GPRIN2: variants seen among roughly 807,000 people sequenced by gnomAD.
GPRIN2 encodes the protein G protein-regulated inducer of neurite outgrowth 2.
In GPRIN2, 1 loss-of-function variant was observed where a neutral mutation model predicts 0.3. The observed-to-expected ratio is 3.90, with a 90% confidence interval of 1.39 to 18.51. The LOEUF is 18.51. Ranked by LOEUF, GPRIN2 falls within the 30% of genes most tolerant of loss-of-function variation. The pLI is 0.11. For missense variants in GPRIN2, 880 were observed against 604.2 expected (o/e 1.46, Z -4.79); for synonymous variants, 361 against 258.6 (o/e 1.40, Z -3.80).
chr10:46,551,721 G>GC (rs1341653474), intron 2 of GPRIN2, among the ~76,000 whole-genome samples: 10 of 152,424 alleles, frequency 6.6e-5, no homozygotes, highest in African/African-American at 2.4e-4. Flanking sequence ...ACTTCCCCCA[G>GC]CCATAAAGAC....
In GPRIN2 at chr10:46,549,882, C is replaced by T; in HGVS notation, c.855G>A (p.Gly285=). The T allele has an allele frequency of 2.5e-6, 4 of 1,614,056 alleles. No homozygotes were observed. The highest frequency in any genetic ancestry group is 3.4e-6 in the Non-Finnish European group (4 of 1,179,882). ...CACAGCAATGGGAATGCCCAGGGAG[C>T]CCCCCAGACAACCTACAGTGGATCT... is the stretch of plus-strand genomic sequence containing the variant. ...GVKIHCRLSG[G]LPGHSHCCAH... Residue 285 remains glycine, a synonymous_variant, in exon 3 of 3, where the codon GGG becomes GGA. Coordinates refer to ENST00000374314, the MANE Select transcript of GPRIN2 (RefSeq NM_001385282.1).
In GPRIN2 at chr10:46,548,073, C is replaced by T. The variant is rs1832822603; in HGVS notation, c.*1287G>A. 1.3e-5 allele frequency among the ~76,000 whole-genome samples: 2 copies of T among 152,430 alleles called. No homozygotes were observed. The highest frequency in any genetic ancestry group is 6.5e-5 in the Admixed American group (1 of 15,314). On this transcript the variant is annotated 3_prime_UTR_variant, in exon 3 of 3. Transcript: ENST00000374314. ...AAGAGGCTCCAGAAACAGGCCAGGT[C>T]GTGGGCCATGACCCCACACTAGCCC...
chr10:46,551,751 G>A (rs1842638153), intron 2 of GPRIN2, among the ~76,000 whole-genome samples: 1 of 152,310 alleles, frequency 6.6e-6, no homozygotes, highest in African/African-American at 2.4e-5. Context: ...CCTGGCAGCT[G>A]CAGCCTAGAG....
chr10:46,550,106 CACT>C lies in GPRIN2; in HGVS notation c.628_630del (p.Ser210del). ...TCAGCAGCTTTGGGCTCAGCCTGGG[CACT>C]GCTGCTGTGGGCAGTTGTGTCCCCC... On this transcript the variant is annotated inframe_deletion, in exon 3 of 3. Coordinates refer to ENST00000374314, the MANE Select transcript of GPRIN2 (RefSeq NM_001385282.1). 6.2e-7 allele frequency: 1 copy of C among 1,612,022 alleles called. No homozygotes were observed.
chr10:46,548,865 C>T lies in GPRIN2; in HGVS notation c.*495G>A, dbSNP rs1832780521. ...CCAGGATGAAGAGGTGAAGACAGGA[C>T]AAGCACAGTATGTGGCACACAGGAG... On this transcript the variant is annotated 3_prime_UTR_variant, in exon 3 of 3. Coordinates refer to ENST00000374314, the MANE Select transcript of GPRIN2 (RefSeq NM_001385282.1). Among the ~76,000 whole-genome samples the T allele has an allele frequency of 3.9e-5, 6 of 152,426 alleles. No individual in the cohort carries two copies. In the South Asian group the frequency reaches 1.2e-3, roughly 32 times the overall value.
At chr10:46,551,383 G>A (rs1842590704) in intron 2 of GPRIN2, 5 of 985,126 alleles carry the variant, frequency 5.1e-6, no homozygotes, top group Non-Finnish European at 6.0e-6. Context: ...GCCTTGCTGA[G>A]CTGGCATGTC....
In GPRIN2 at chr10:46,546,389, G is replaced by T. The variant is rs1192168945; in HGVS notation, c.*2971C>A. Reference sequence around the variant, plus strand: ...GAGGCAAGGGGCTCTAGGACTCCAGGGTTTATGCTCCAAAGAACAGAATTT... The same window carrying T: ...GAGGCAAGGGGCTCTAGGACTCCAGTGTTTATGCTCCAAAGAACAGAATTT... On this transcript the variant is annotated 3_prime_UTR_variant, in exon 3 of 3. Transcript: ENST00000374314. 6.6e-6 allele frequency among the ~76,000 whole-genome samples: 1 copy of T among 152,308 alleles called. No homozygotes were observed. The highest frequency in any genetic ancestry group is 2.1e-4 in the South Asian group (1 of 4,838).
At position 46,545,232 on chromosome 10, in the gene GPRIN2, A is replaced by T. The variant is rs1222985905; in HGVS notation, c.*4128T>A. On this transcript the variant is annotated 3_prime_UTR_variant, in exon 3 of 3. Coordinates refer to ENST00000374314, the MANE Select transcript of GPRIN2 (RefSeq NM_001385282.1). ...CTCCCTCTGGTGGTTTCTGTGCACAACTTCCCCCAAAATAGGCCCTACGAC... is the reference window on the plus strand; with the variant it reads ...CTCCCTCTGGTGGTTTCTGTGCACATCTTCCCCCAAAATAGGCCCTACGAC... 6.6e-6 allele frequency among the ~76,000 whole-genome samples: 1 copy of T among 152,302 alleles called. No individual in the cohort carries two copies. The highest frequency in any genetic ancestry group is 1.5e-5 in the Non-Finnish European group (1 of 68,056).
At position 46,549,750 on chromosome 10, in the gene GPRIN2, C is replaced by T. The variant is rs1832601806; in HGVS notation, c.987G>A (p.Pro329=). 39 of 1,612,518 alleles carry T rather than the reference C, an allele frequency of 2.4e-5. No individual in the cohort carries two copies. Among genetic ancestry groups the T allele is most frequent in the South Asian group, 4.4e-5 (4 of 91,002 alleles). ...ANDLAPAEAS[P]LSAQDAGVQA... ...GCACACCAGCATCCTGGGCTGACAG[C>T]GGGGATGCCTCTGCAGGGGCCAAGT... The change falls in exon 3 of 3, where the codon CCG becomes CCA. Residue 329 remains proline (P), a synonymous_variant. Coordinates refer to ENST00000374314, the MANE Select transcript of GPRIN2 (RefSeq NM_001385282.1).
chr10:46,547,645 T>C lies in GPRIN2; in HGVS notation c.*1715A>G, dbSNP rs1842288486. On this transcript the variant is annotated 3_prime_UTR_variant, in exon 3 of 3. Transcript: ENST00000374314. ...GTCCCTCCCCATGCACCCACAGCCA[T>C]TTGTTCTCTCTCATGTGGCCCTAAC... Among the ~76,000 whole-genome samples the C allele has an allele frequency of 6.6e-6, 1 of 152,308 alleles. No individual in the cohort carries two copies. The highest frequency in any genetic ancestry group is 2.1e-4 in the South Asian group (1 of 4,838).
chr10:46,544,346 CAG>C lies in GPRIN2; in HGVS notation c.*5012_*5013del, dbSNP rs1397580692. Among the ~76,000 whole-genome samples the C allele has an allele frequency of 6.6e-6, 1 of 152,306 alleles. No homozygotes were observed. The highest frequency in any genetic ancestry group is 1.5e-5 in the Non-Finnish European group (1 of 68,056). The stretch of plus-strand genomic sequence containing the variant: ...TTCTTGTCTTTTTCTTTTTTTGAAA[CAG>C]GGTCTGGCTCCGTCATCCAGGCTGG... On this transcript the variant is annotated 3_prime_UTR_variant, in exon 3 of 3. Coordinates refer to ENST00000374314, the MANE Select transcript of GPRIN2 (RefSeq NM_001385282.1).
At chr10:46,554,852 C>G (rs547477312) in intron 1 of GPRIN2, among the ~76,000 whole-genome samples, 157 bp from the exon 2 acceptor site, 2 of 152,300 alleles carry the variant, frequency 1.3e-5, no homozygotes, top group Non-Finnish European at 2.9e-5. Context: ...GGAGCCCAGG[C>G]CTTTGGGATA....
rs1013763575 is a variant in GPRIN2, at chr10:46,547,930, C to G, written c.*1430G>C. Among the ~76,000 whole-genome samples, 1 of 152,310 alleles carries G rather than the reference C, an allele frequency of 6.6e-6. No homozygotes were observed. Among genetic ancestry groups the G allele is most frequent in the Admixed American group, 6.5e-5 (1 of 15,294 alleles). ...CCTTGTGGCCTGTTGAAATGCCACT[C>G]CTGCTTTACAAATTCACCAACTGTT... On this transcript the variant is annotated 3_prime_UTR_variant, in exon 3 of 3. Transcript: ENST00000374314.
upstream of GPRIN2, among the ~76,000 whole-genome samples, chr10:46,556,688 G>A (rs969196332): frequency 1.1e-3 from 167 of 152,176 alleles, no homozygotes; most frequent in African/African-American, 3.9e-3. Flanking sequence ...AGCTGGCACC[G>A]GGGCGGCGGG....
Position 46,545,671 on chromosome 10 carries a change from G to A in GPRIN2, c.*3689C>T, listed in dbSNP as rs1842091604. Among the ~76,000 whole-genome samples, 2 of 152,310 alleles carry A rather than the reference G, an allele frequency of 1.3e-5. No individual in the cohort carries two copies. Among genetic ancestry groups the A allele is most frequent in the South Asian group, 2.1e-4 (1 of 4,838 alleles). ...TGAACAAGGGACTTTTAAGGAAGTGGGATGTGGGCTGTGATCACAGCCAAG... is the reference window on the plus strand; with the variant it reads ...TGAACAAGGGACTTTTAAGGAAGTGAGATGTGGGCTGTGATCACAGCCAAG... On this transcript the variant is annotated 3_prime_UTR_variant, in exon 3 of 3. Transcript: ENST00000374314.
In GPRIN2 at chr10:46,549,064, T is replaced by C. The variant is rs1842416350; in HGVS notation, c.*296A>G. The C allele has an allele frequency of 2.4e-6, 1 of 411,400 alleles. No homozygotes were observed. The highest frequency in any genetic ancestry group is 4.4e-5 in the Admixed American group (1 of 22,674). The allele number at this position is 411,400 out of a possible 1,614,324, so 25.5% of individuals were successfully genotyped here. A position where few individuals can be genotyped will look rare whatever the true frequency, so the allele number is the denominator to read the frequency against. ...GAGGGTGGAGTGAACAAAAGGTCAT[T>C]TTTTACAGAAAACTCAGGATCTCCC... On this transcript the variant is annotated 3_prime_UTR_variant, in exon 3 of 3. Transcript: ENST00000374314.
In GPRIN2 at chr10:46,550,321, G is replaced by A; in HGVS notation, c.416C>T (p.Ala139Val). 6.2e-7 allele frequency: 1 copy of A among 1,613,170 alleles called. No individual in the cohort carries two copies. The highest frequency in any genetic ancestry group is 1.1e-5 in the South Asian group (1 of 91,066). ...QMRGHSGARK[A>V]SLSCSALGSS... The stretch of plus-strand genomic sequence containing the variant: ...GCCAAGGGCTGAGCAGCTGAGACTG[G>A]CCTTCCGAGCACCACTGTGTCCCCG... The change falls in exon 3 of 3, where the codon GCC becomes GTC. Residue 139 changes from alanine to valine, a missense_variant. Physicochemically the swap from Ala to Val is moderately conservative, Grantham distance 64 (BLOSUM62 0). Transcript: ENST00000374314.
At chr10:46,550,763 G>A in intron 2 of GPRIN2, 21 bp from the exon 3 acceptor site, 1 of 1,494,286 alleles carries the variant, frequency 6.7e-7, no homozygotes. Flanking sequence ...GAGAAAGGGA[G>A]GGAGTGGAGT....
rs2131595152 is a variant in GPRIN2 at position 46,550,154 on chromosome 10, A to G, written c.583T>C (p.Ser195Pro). The G allele has an allele frequency of 1.3e-6, 2 of 1,599,680 alleles. No homozygotes were observed. Among genetic ancestry groups the G allele is most frequent in the Non-Finnish European group, 8.5e-7 (1 of 1,172,286 alleles). The change falls in exon 3 of 3, where the codon TCA (serine) becomes CCA (proline). Residue 195 changes from serine to proline, a missense_variant. Physicochemically the swap from Ser to Pro is moderately conservative, Grantham distance 74. Transcript: ENST00000374314. ...TCCCCCAGGTCTAGTGGTGGCACTG[A>G]CAACTGACTCGCCCCCAGCATCCAG... ...SAWMLGASQL[S>P]VPPLDLGDTT... is the part of the protein sequence containing the mutation.
Sources: allele counts gnomAD v4.1 joint callset (sites outside exome capture counted in the v4.1 genomes callset), GRCh38; gene constraint gnomAD v4.1.1; transcripts MANE v1.5; gene names NCBI Gene and HGNC (gene_info 2026-07-23, HGNC 2026-07-21).